ZFHX3: variants seen among roughly 807,000 people sequenced by gnomAD.
ZFHX3 encodes the protein zinc finger homeobox 3.
In ZFHX3, 42 loss-of-function variants were observed where a neutral mutation model predicts 279.1. The observed-to-expected ratio is 0.15, with a 90% CI of 0.12 to 0.19. The LOEUF (loss-of-function observed/expected upper bound fraction) is 0.19, where lower values mean the gene tolerates loss of function less well. Ranked by LOEUF, ZFHX3 falls within the 10% of genes least tolerant of loss-of-function variation. ZFHX3 has a pLI of 1.00. For missense variants in ZFHX3, 4,981 were observed against 4,754.0 expected (o/e 1.05, Z -1.40); for synonymous variants, 2,293 against 1,957.8 (o/e 1.17, Z -4.52).
At chr16:72,800,221 T>A in intron 7 of ZFHX3, 92 bp from the exon 8 acceptor site, 1 of 1,072,614 alleles carries the variant, frequency 9.3e-7, no homozygotes, top group South Asian at 1.3e-5. Flanking sequence ...AAATTAGCCT[T>A]CACCAGTGTA....
rs2013347894 is a variant in ZFHX3, at chr16:73,247,892, G to T, written c.-1104+9155C>A. On this transcript the variant is annotated intron_variant, in intron 5 of 17. Coordinates refer to the ZFHX3 transcript ENST00000641206. Reference sequence around the variant, plus strand: ...GAGTGTATAAGTGTGTGTATACTGTGTATATGATGTGTCTGTGTATATGTG... The same window carrying T: ...GAGTGTATAAGTGTGTGTATACTGTTTATATGATGTGTCTGTGTATATGTG... 2.7e-5 allele frequency among the ~76,000 whole-genome samples: 4 copies of T among 150,788 alleles called. No individual in the cohort carries two copies. In the South Asian group the frequency reaches 8.4e-4, roughly 32 times the overall value.
chr16:73,500,585 CCAAAGTG>C (rs1463975545), intron 2 of ZFHX3, among the ~76,000 whole-genome samples: 2 of 151,052 alleles, frequency 1.3e-5, no homozygotes, highest in Non-Finnish European at 2.9e-5. Context: ...CCTTGGCCTC[CCAAAGTG>C]CTGGTATTAC....
chr16:72,954,293 C>T (rs949021667), intron 2 of ZFHX3, among the ~76,000 whole-genome samples: 1 of 152,158 alleles, frequency 6.6e-6, no homozygotes, highest in Non-Finnish European at 1.5e-5. Flanking sequence ...TTGCTTGAAC[C>T]CGGGAGGCAG....
chr16:73,227,646 C>T (rs1475970422), intron 5 of ZFHX3, among the ~76,000 whole-genome samples: 1 of 151,618 alleles, frequency 6.6e-6, no homozygotes, highest in Non-Finnish European at 1.5e-5. Flanking sequence ...CTCACGAGCC[C>T]GAGACCAGCC....
intron 1 of ZFHX3, among the ~76,000 whole-genome samples, chr16:72,979,391 C>T (rs1458180089): frequency 6.6e-6 from 1 of 152,164 alleles, no homozygotes; most frequent in African/African-American, 2.4e-5. Context: ...CTATGAAAAA[C>T]ACCACCAGCC....
At chr16:73,556,859 G>T (rs1278916632) in intron 2 of ZFHX3, among the ~76,000 whole-genome samples, 2 of 151,902 alleles carry the variant, frequency 1.3e-5, no homozygotes, top group South Asian at 2.1e-4. Context: ...ACTTTGGGAG[G>T]CCGAGACAGG....
At chr16:73,822,159 G>A (rs1450548348) in intron 1 of ZFHX3, among the ~76,000 whole-genome samples, 1 of 152,158 alleles carries the variant, frequency 6.6e-6, no homozygotes, top group Non-Finnish European at 1.5e-5. Context: ...GCCAGCCCAG[G>A]TGAGATTTTT....
chr16:73,437,766 T>A (rs1203978758), intron 3 of ZFHX3, among the ~76,000 whole-genome samples: 1 of 152,182 alleles, frequency 6.6e-6, no homozygotes, highest in Non-Finnish European at 1.5e-5. Flanking sequence ...TGTTTCCAAG[T>A]GGGAAATATT....
upstream of ZFHX3, among the ~76,000 whole-genome samples, chr16:73,063,124 G>C (rs941363957): frequency 4.6e-5 from 7 of 152,196 alleles, no homozygotes; most frequent in African/African-American, 1.4e-4. Context: ...GCCGCGCGGA[G>C]GAGGCGGGCT....
intron 2 of ZFHX3, among the ~76,000 whole-genome samples, chr16:73,633,748 A>T (rs929125542): frequency 4.6e-5 from 7 of 152,128 alleles, no homozygotes; most frequent in Non-Finnish European, 2.9e-5. Context: ...GAATACGAAA[A>T]TTAGTTGGGC....
At chr16:73,315,886 C>G (rs2015436003) in intron 4 of ZFHX3, among the ~76,000 whole-genome samples, 1 of 152,146 alleles carries the variant, frequency 6.6e-6, no homozygotes, top group Admixed American at 6.5e-5. Context: ...CTGGGAGTTG[C>G]AAGGAAGAAG....
At chr16:72,923,271 C>A (rs1481032519) in intron 3 of ZFHX3, among the ~76,000 whole-genome samples, 2 of 151,966 alleles carry the variant, frequency 1.3e-5, no homozygotes, top group African/African-American at 4.8e-5. Flanking sequence ...TGGCGAAAGC[C>A]CATCTCTACA....
In ZFHX3 at chr16:73,001,399, G is replaced by A. The variant is rs184232386; in HGVS notation, c.-49-41205C>T. On this transcript the variant is annotated intron_variant, in intron 1 of 9. Coordinates refer to ENST00000268489, the MANE Select transcript of ZFHX3 (RefSeq NM_006885.4). The stretch of plus-strand genomic sequence containing the variant: ...AGGGGACCCAGCTACGCCACAGCCC[G>A]ATTCCTGACCCACAGAAACTGTAAG... Among the ~76,000 whole-genome samples the A allele has an allele frequency of 1.4e-4, 21 of 152,282 alleles. No individual in the cohort carries two copies. In the East Asian group the frequency reaches 2.5e-3, roughly 18 times the overall value.
chr16:73,433,810 C>A (rs1476494530), intron 3 of ZFHX3, among the ~76,000 whole-genome samples: 2 of 152,196 alleles, frequency 1.3e-5, no homozygotes, highest in South Asian at 2.1e-4. Flanking sequence ...CTGCACGGTG[C>A]CTACTGGGTG....
At chr16:72,880,940 C>G (rs1181257727) in intron 4 of ZFHX3, among the ~76,000 whole-genome samples, 1 of 152,246 alleles carries the variant, frequency 6.6e-6, no homozygotes, top group Non-Finnish European at 1.5e-5. Flanking sequence ...TATTTGAAGA[C>G]TGTTCTCCCA....
In ZFHX3 at chr16:72,787,502, G is replaced by A. The variant is rs780719934; in HGVS notation, c.10774C>T (p.His3592Tyr). The change falls in exon 10 of 10, where the codon CAC (histidine) becomes TAC (tyrosine). Residue 3592 changes from histidine (H) to tyrosine (Y), a missense_variant. Physicochemically the swap from His to Tyr is moderately conservative, Grantham distance 83 (BLOSUM62 2). Around this residue, in one of 7 missense-constraint regions of ZFHX3, gnomAD observed 1,034 missense variants for 786.0 expected, o/e 1.32. Transcript: ENST00000268489. ...GGGGGAGGGGGGCTGTCGTTTGAGT[G>A]AGCGGCAGACTGCGAGGTAGATGCG... ...STASTSQSAA[H>Y]SNDSPPPPSA... 1 of 1,613,906 alleles carries A rather than the reference G, an allele frequency of 6.2e-7. No homozygotes were observed. Among genetic ancestry groups the A allele is most frequent in the East Asian group, 2.2e-5 (1 of 44,860 alleles).
rs28507760 is a variant in ZFHX3 at position 72,997,532 on chromosome 16, G to C, written c.-49-37338C>G. Among the ~76,000 whole-genome samples, 1,275 of 152,256 alleles carry C rather than the reference G, an allele frequency of 8.4e-3. 16 individuals are homozygous for C. The highest frequency in any genetic ancestry group is 0.029 in the African/African-American group (1,188 of 41,530). ...CTCCTCACTTTCCAGTCAGATCACAGCCAGTGGGACACAATCTGACAAAGT... is the reference window on the plus strand; with the variant it reads ...CTCCTCACTTTCCAGTCAGATCACACCCAGTGGGACACAATCTGACAAAGT... On this transcript the variant is annotated intron_variant, in intron 1 of 9. Coordinates refer to ENST00000268489, the MANE Select transcript of ZFHX3 (RefSeq NM_006885.4).
chr16:73,319,436 G>A (rs1481937445), intron 3 of ZFHX3, among the ~76,000 whole-genome samples: 1 of 152,066 alleles, frequency 6.6e-6, no homozygotes, highest in Admixed American at 6.6e-5. Flanking sequence ...GTCTAATTCG[G>A]GTCCCACAGA....
chr16:72,923,256 C>A (rs1036117411), intron 3 of ZFHX3, among the ~76,000 whole-genome samples: 20 of 152,020 alleles, frequency 1.3e-4, no homozygotes, highest in Non-Finnish European at 2.6e-4. Flanking sequence ...CCAGCCTGGG[C>A]AACATGGCGA....
Sources: gnomAD v4.1 joint callset for allele counts (sites outside exome capture counted in the v4.1 genomes callset) on GRCh38, gnomAD v4.1.1 for gene constraint, gnomAD v4.1.1 regional missense constraint, MANE v1.5 for transcripts, NCBI Gene and HGNC (gene_info 2026-07-23, HGNC 2026-07-21) for gene names.